RBFOX1: variants seen among roughly 807,000 people sequenced by gnomAD.
RBFOX1 encodes the protein RNA binding fox-1 homolog 1, also known as RNA binding protein fox-1 homolog 1.
A neutral mutation model predicts 57.7 loss-of-function variants in RBFOX1; 8 were observed. The ratio of observed to expected loss-of-function variants is 0.14; its 90% confidence interval spans 0.08 to 0.25. RBFOX1 has a LOEUF of 0.25. Among genes scored for constraint, RBFOX1 ranks in the 10% least tolerant of loss-of-function variants. The probability of loss-of-function intolerance (pLI) is 1.00; values close to 1 mark genes in which losing one functional copy is unlikely to be tolerated. For missense variants in RBFOX1, 611 were observed against 548.5 expected, an observed-to-expected ratio of 1.11 and a Z score of -1.14; for synonymous variants, 326 against 222.4, an observed-to-expected ratio of 1.47 and a Z score of -4.15.
At chr16:7,556,112 ACT>A (rs1424704759) in intron 5 of RBFOX1, among the ~76,000 whole-genome samples, 2 of 152,194 alleles carry the variant, frequency 1.3e-5, no homozygotes, top group Non-Finnish European at 2.9e-5. Context: ...TGTGGTAAAC[ACT>A]CTAAATTTTC....
chr16:7,278,246 A>G (rs1489005335), intron 4 of RBFOX1, among the ~76,000 whole-genome samples: 1 of 152,224 alleles, frequency 6.6e-6, no homozygotes, highest in Admixed American at 6.5e-5. Flanking sequence ...CCTATTCACA[A>G]ACCCCTTGAT....
In RBFOX1 at chr16:6,454,336, C is replaced by G. The variant is rs118083378; in HGVS notation, c.-64+137279C>G. ...CTTTGGGAGGTCAAGGCAGGTGAAT[C>G]TCTTAAGCCCAGGAGTTTAAGACCA... On this transcript the variant is annotated intron_variant, in intron 2 of 15. Transcript: ENST00000550418. 3.3e-4 allele frequency among the ~76,000 whole-genome samples: 50 copies of G among 152,242 alleles called. No individual in the cohort carries two copies. In the East Asian group the frequency reaches 7.1e-3, roughly 22 times the overall value.
chr16:6,699,205 A>T (rs571155972), intron 3 of RBFOX1, among the ~76,000 whole-genome samples: 2 of 152,146 alleles, frequency 1.3e-5, no homozygotes, highest in East Asian at 3.9e-4. Flanking sequence ...GCAAGGCAGC[A>T]TATGGACTAC....
intron 3 of RBFOX1, among the ~76,000 whole-genome samples, chr16:6,980,083 T>C (rs567733586): frequency 6.6e-6 from 1 of 152,118 alleles, no homozygotes. Context: ...TTGACCCTGG[T>C]GTTAGAGTGT....
chr16:7,286,616 ATT>A (rs61621368), intron 4 of RBFOX1, among the ~76,000 whole-genome samples: 31 of 90,920 alleles, frequency 3.4e-4, no homozygotes, highest in East Asian at 2.3e-3. Context: ...GGACTGGCTA[ATT>A]TTTTTTTTTT....
chr16:6,761,500 CTTTTTTTTT>C (rs869243278), intron 3 of RBFOX1, among the ~76,000 whole-genome samples: 18 of 60,128 alleles, frequency 3.0e-4, no homozygotes, highest in Admixed American at 1.2e-3. Flanking sequence ...TCCCAATCTC[CTTTTTTTTT>C]TTTTTTTTTT....
chr16:6,833,306 T>C (rs959316680), intron 3 of RBFOX1, among the ~76,000 whole-genome samples: 2 of 151,930 alleles, frequency 1.3e-5, no homozygotes, highest in African/African-American at 4.8e-5. Flanking sequence ...CCTGCGACTA[T>C]AGGCTCCCAA....
At chr16:7,651,118 G>A (rs1225854057) in intron 11 of RBFOX1, among the ~76,000 whole-genome samples, 4 of 152,186 alleles carry the variant, frequency 2.6e-5, no homozygotes, top group Admixed American at 2.0e-4. Flanking sequence ...CAAATAGAAA[G>A]ACGGAATCAT....
chr16:6,310,380 C>A (rs1407865221), intron 1 of RBFOX1, among the ~76,000 whole-genome samples: 3 of 152,254 alleles, frequency 2.0e-5, no homozygotes, highest in African/African-American at 7.2e-5. Context: ...ATCTTATTGC[C>A]TTGGCAAAAT....
intron 4 of RBFOX1, among the ~76,000 whole-genome samples, chr16:7,408,759 C>G (rs200050597): frequency 6.6e-6 from 1 of 152,186 alleles, no homozygotes; most frequent in Non-Finnish European, 1.5e-5. Context: ...CTCCTATCCA[C>G]TTTATGCCAG....
At chr16:5,507,721 G>C (rs74571623) in intron 2 of RBFOX1, among the ~76,000 whole-genome samples, 12,376 of 152,184 alleles carry the variant, frequency 0.081, 1,357 homozygotes, top group African/African-American at 0.25. Flanking sequence ...ATGAACTTTG[G>C]AAACAGACAC....
chr16:5,248,288 A>G (rs372060368), intron 1 of RBFOX1, among the ~76,000 whole-genome samples: 1 of 152,380 alleles, frequency 6.6e-6, no homozygotes, highest in East Asian at 1.9e-4. Flanking sequence ...AGCTCTTGCT[A>G]ATAACCAGAT....
chr16:5,340,479 C>A (rs1355472906), intron 1 of RBFOX1, among the ~76,000 whole-genome samples: 1 of 152,154 alleles, frequency 6.6e-6, no homozygotes, highest in Admixed American at 6.5e-5. Flanking sequence ...GCCATGGGCA[C>A]ATATTGGGAG....
intron 4 of RBFOX1, among the ~76,000 whole-genome samples, chr16:7,195,044 C>G (rs1427743337): frequency 7.9e-6 from 1 of 126,288 alleles, no homozygotes; most frequent in Non-Finnish European, 1.8e-5. Context: ...TCTTCTAATT[C>G]TAGCAACAAA....
intron 2 of RBFOX1, among the ~76,000 whole-genome samples, chr16:6,431,952 TCTTTC>T (rs2094111733): frequency 2.0e-5 from 3 of 149,190 alleles, no homozygotes; most frequent in Admixed American, 6.7e-5. Flanking sequence ...TTTCTTTCTT[TCTTTC>T]TTTCTTTTTC....
chr16:7,330,040 A>G (rs2096664030), intron 4 of RBFOX1, among the ~76,000 whole-genome samples: 1 of 152,208 alleles, frequency 6.6e-6, no homozygotes. Flanking sequence ...GAAAAGGTAC[A>G]GTAAAGTATA....
chr16:5,849,553 A>G (rs960062623), intron 3 of RBFOX1, among the ~76,000 whole-genome samples: 1 of 151,942 alleles, frequency 6.6e-6, no homozygotes, highest in Admixed American at 6.5e-5. Flanking sequence ...TCTGATTTCC[A>G]TCCCACATGG....
At chr16:5,985,247 C>T (rs939373257) in intron 4 of RBFOX1, among the ~76,000 whole-genome samples, 16 of 151,962 alleles carry the variant, frequency 1.1e-4, no homozygotes, top group Middle Eastern at 3.4e-3. Flanking sequence ...CCCCCTCGGC[C>T]TCCCAAAGTG....
chr16:6,847,843 G>T (rs1416043481), intron 3 of RBFOX1, among the ~76,000 whole-genome samples: 1 of 151,926 alleles, frequency 6.6e-6, no homozygotes, highest in Non-Finnish European at 1.5e-5. Flanking sequence ...TCCTTTTGGT[G>T]GTGGTTGTTG....
Sources: allele counts gnomAD v4.1 joint callset (sites outside exome capture counted in the v4.1 genomes callset), GRCh38; gene constraint gnomAD v4.1.1; transcripts MANE v1.5; gene names NCBI Gene and HGNC (gene_info 2026-07-23, HGNC 2026-07-21).